DCAF8L2: variants seen among roughly 807,000 people sequenced by gnomAD.
The protein encoded by DCAF8L2 is DDB1 and CUL4 associated factor 8 like 2, also known as DDB1- and CUL4-associated factor 8-like protein 2.
For missense variants in DCAF8L2, 430 were observed against 490.7 expected, an observed-to-expected ratio of 0.88 and a Z score of 1.17; for synonymous variants, 200 against 190.9, an observed-to-expected ratio of 1.05 and a Z score of -0.39.
intron 2 of DCAF8L2, among the ~76,000 whole-genome samples, chrX:27,669,451 TATTC>T (rs200269336): frequency 0.032 from 3,446 of 106,276 alleles, 126 homozygotes; most frequent in African/African-American, 0.11. Flanking sequence ...ATTTCTTATT[TATTC>T]ATTTATTTAT....
At chrX:27,616,761 G>T (rs1246877287) in intron 1 of DCAF8L2, among the ~76,000 whole-genome samples, 1 of 111,103 alleles carries the variant, frequency 9.0e-6, no homozygotes, top group Admixed American at 9.7e-5. Context: ...TGATATCTCT[G>T]GGGGTAATTG....
At chrX:27,533,917 G>A in the DCAF8L2 span, among the ~76,000 whole-genome samples, 6 of 112,243 alleles carry the variant, frequency 5.3e-5, no homozygotes, top group East Asian at 1.7e-3. Context: ...TGGTGGCTCA[G>A]CACTGTAATC....
chrX:27,482,742 C>T, the DCAF8L2 span, among the ~76,000 whole-genome samples: 76 of 109,770 alleles, frequency 6.9e-4, no homozygotes, highest in African/African-American at 2.5e-3. Context: ...CTTCCCTTGA[C>T]TGCAAGTTAT....
chrX:27,552,247 T>G, the DCAF8L2 span, among the ~76,000 whole-genome samples: 1 of 111,976 alleles, frequency 8.9e-6, no homozygotes, highest in East Asian at 2.8e-4. Flanking sequence ...TTCTGTAGGT[T>G]GTCTCTTTAT....
chrX:27,726,536 C>T lies in DCAF8L2; in HGVS notation c.-59+10365C>T, dbSNP rs183885565. On this transcript the variant is annotated intron_variant, in intron 4 of 4. Transcript: ENST00000451261. Reference sequence around the variant, plus strand: ...AACCCACCCACATAAAGCACTCAGACTAAGAAATAATATATTACTGTTGCT... The same window carrying T: ...AACCCACCCACATAAAGCACTCAGATTAAGAAATAATATATTACTGTTGCT... Among the ~76,000 whole-genome samples, 245 of 111,143 alleles carry T rather than the reference C, an allele frequency of 2.2e-3. 1 individual carries two copies. The highest frequency in any genetic ancestry group is 7.9e-3 in the South Asian group (21 of 2,648).
chrX:27,672,692 T>G (rs1929990732), intron 2 of DCAF8L2, among the ~76,000 whole-genome samples: 1 of 112,154 alleles, frequency 8.9e-6, no homozygotes, highest in Admixed American at 9.5e-5. Flanking sequence ...AAAAGTTATT[T>G]CTGACTAATG....
At chrX:27,615,204 A>T (rs1927401095) in intron 1 of DCAF8L2, among the ~76,000 whole-genome samples, 1 of 111,817 alleles carries the variant, frequency 8.9e-6, no homozygotes, top group Non-Finnish European at 1.9e-5. Flanking sequence ...GAGGCCAAAC[A>T]GATATCCAAC....
the DCAF8L2 span, among the ~76,000 whole-genome samples, chrX:27,514,696 C>A: frequency 0.12 from 4,473 of 37,157 alleles, 143 homozygotes; most frequent in African/African-American, 0.26. Flanking sequence ...AAAAAAAAAA[C>A]AAAAAAAAAA....
At chrX:27,489,450 G>A in the DCAF8L2 span, among the ~76,000 whole-genome samples, 2 of 112,180 alleles carry the variant, frequency 1.8e-5, no homozygotes, top group South Asian at 3.6e-4. Flanking sequence ...GCTCAATTCC[G>A]TTGACATTTT....
chrX:27,723,048 A>G (rs1931952933), intron 4 of DCAF8L2, among the ~76,000 whole-genome samples: 1 of 110,895 alleles, frequency 9.0e-6, no homozygotes, highest in East Asian at 2.8e-4. Flanking sequence ...GAAAATATAT[A>G]GAGAAACAAA....
chrX:27,692,535 A>G (rs774282563), intron 3 of DCAF8L2, among the ~76,000 whole-genome samples: 1 of 112,002 alleles, frequency 8.9e-6, no homozygotes, highest in South Asian at 3.7e-4. Context: ...CTTTTAAACA[A>G]AAGAGCATGG....
Position 27,668,816 on chromosome X carries a change from G to A in DCAF8L2, c.-219-9020G>A, listed in dbSNP as rs187424021. ...GAAAATACAAAAATTAGCCAGGCGT[G>A]GTGGTGGGCGCCTGTAATCCCAGCA... On this transcript the variant is annotated intron_variant, in intron 2 of 4. Coordinates refer to ENST00000451261, the MANE Select transcript of DCAF8L2 (RefSeq NM_001353450.2). Among the ~76,000 whole-genome samples the A allele has an allele frequency of 3.2e-3, 352 of 111,040 alleles. 1 individual carries two copies. Among genetic ancestry groups the A allele is most frequent in the African/African-American group, 0.01 (320 of 30,487 alleles).
chrX:27,603,270 G>A (rs1272168202), intron 1 of DCAF8L2, among the ~76,000 whole-genome samples: 1 of 111,481 alleles, frequency 9.0e-6, no homozygotes, highest in African/African-American at 3.3e-5. Context: ...CTGTTTAACT[G>A]TTCTACTTTA....
intron 1 of DCAF8L2, among the ~76,000 whole-genome samples, chrX:27,593,580 T>A (rs993527484): frequency 4.5e-5 from 5 of 111,816 alleles, no homozygotes; most frequent in Non-Finnish European, 9.4e-5. Context: ...CACTTGCCTT[T>A]TGCATGGAGC....
Position 27,600,325 on chromosome X carries a change from G to T in DCAF8L2, c.-342+9885G>T, listed in dbSNP as rs767456404. 5.3e-5 allele frequency among the ~76,000 whole-genome samples: 6 copies of T among 112,153 alleles called. No homozygotes were observed. The East Asian group carries it at 1.4e-3, about 26-fold the overall frequency. On this transcript the variant is annotated intron_variant, in intron 1 of 4. Transcript: ENST00000451261. ...TAAAATGTACAATATTAGATAAAATGATCTGTATATCCTTCTTTTTAGAAA... is the reference window on the plus strand; with the variant it reads ...TAAAATGTACAATATTAGATAAAATTATCTGTATATCCTTCTTTTTAGAAA...
intron 1 of DCAF8L2, among the ~76,000 whole-genome samples, chrX:27,624,430 C>T (rs918661683): frequency 9.1e-6 from 1 of 110,049 alleles, no homozygotes; most frequent in Non-Finnish European, 1.9e-5. Flanking sequence ...ATGGCCATAC[C>T]GCCCAAAGCA....
intron 2 of DCAF8L2, among the ~76,000 whole-genome samples, chrX:27,655,628 TATG>T (rs1929322705): frequency 3.6e-5 from 4 of 111,985 alleles, no homozygotes; most frequent in Non-Finnish European, 7.5e-5. Context: ...TTTTATCTCT[TATG>T]ATAAGATTGT....
chrX:27,594,168 A>G (rs1015281978), intron 1 of DCAF8L2, among the ~76,000 whole-genome samples: 1 of 111,760 alleles, frequency 8.9e-6, no homozygotes, highest in Admixed American at 9.5e-5. Flanking sequence ...TTAATGTATA[A>G]GTACACATCT....
At chrX:27,621,077 T>C (rs1351025590) in intron 1 of DCAF8L2, among the ~76,000 whole-genome samples, 1 of 112,121 alleles carries the variant, frequency 8.9e-6, no homozygotes, top group African/African-American at 3.2e-5. Context: ...AAAATACTTA[T>C]ACTGTACCAT....
Sources: gnomAD v4.1 joint callset for allele counts (sites outside exome capture counted in the v4.1 genomes callset) on GRCh38, gnomAD v4.1.1 for gene constraint, MANE v1.5 for transcripts, NCBI Gene and HGNC (gene_info 2026-07-23, HGNC 2026-07-21) for gene names.